The following TP63 variants were observed in gnomAD, a reference collection of about 807,000 sequenced individuals.
TP63 encodes the protein tumor protein 63.
A neutral mutation model predicts 82.8 loss-of-function variants in TP63; 17 were observed. That is an observed-to-expected ratio of 0.21 (90% CI 0.14 to 0.31). The LOEUF (loss-of-function observed/expected upper bound fraction) is 0.31. TP63 is among the 10% of genes least tolerant of loss of function. TP63 has a pLI of 1.00. For missense variants in TP63, 648 were observed against 895.3 expected, an observed-to-expected ratio of 0.72 and a Z score of 3.52; for synonymous variants, 330 against 321.7, an observed-to-expected ratio of 1.03 and a Z score of -0.28.
At chr3:189,732,341 C>G (rs1169039504) in intron 1 of TP63, among the ~76,000 whole-genome samples, 1 of 152,130 alleles carries the variant, frequency 6.6e-6, no homozygotes, top group Non-Finnish European at 1.5e-5. Flanking sequence ...TGTAGCCAGT[C>G]TAAGACAAAA....
At chr3:189,754,058 C>T (rs566947441) in intron 3 of TP63, among the ~76,000 whole-genome samples, 2 of 152,144 alleles carry the variant, frequency 1.3e-5, no homozygotes, top group South Asian at 4.1e-4. Context: ...AGAAAAATAG[C>T]CTATTTTATT....
At chr3:189,699,632 G>A (rs143074461) in intron 1 of TP63, among the ~76,000 whole-genome samples, 1 of 151,960 alleles carries the variant, frequency 6.6e-6, no homozygotes, top group African/African-American at 2.4e-5. Flanking sequence ...ATTAACATAG[G>A]TTAATATCTG....
chr3:189,875,673 T>A (rs1417804419), intron 10 of TP63, among the ~76,000 whole-genome samples: 1 of 141,122 alleles, frequency 7.1e-6, no homozygotes, highest in Non-Finnish European at 1.5e-5. Context: ...TGATAGTCTG[T>A]CTTATAGATA....
At chr3:189,629,575 A>G (rs35934495), upstream of TP63, among the ~76,000 whole-genome samples, 17,436 of 152,102 alleles carry the variant, frequency 0.11, 1,110 homozygotes, top group East Asian at 0.2. Flanking sequence ...GCTAGAAGGA[A>G]CACTAGGGCT....
chr3:189,600,387 C>A, the TP63 span, among the ~76,000 whole-genome samples: 1 of 152,142 alleles, frequency 6.6e-6, no homozygotes, highest in Non-Finnish European at 1.5e-5. Flanking sequence ...TGTACACATG[C>A]TATATGTCAG....
chr3:189,888,295 A>G (rs1307265238), intron 11 of TP63, among the ~76,000 whole-genome samples: 11 of 152,198 alleles, frequency 7.2e-5, no homozygotes. Context: ...ACCCCTTGAC[A>G]GGCCTACTTT....
In TP63 at chr3:189,711,560, G is replaced by T. The variant is rs576023401; in HGVS notation, c.63-26180G>T. Among the ~76,000 whole-genome samples, 6 of 152,180 alleles carry T rather than the reference G, an allele frequency of 3.9e-5. No individual in the cohort carries two copies. The South Asian group carries it at 1.2e-3, about 32-fold the overall frequency. On this transcript the variant is annotated intron_variant, in intron 1 of 13. Coordinates refer to ENST00000264731, the MANE Select transcript of TP63 (RefSeq NM_003722.5). Reference sequence around the variant, plus strand: ...GACATTTCAAGGAGGAAGTAACATTGGCTCCAGGCTTTAAAGAAGAGAGGG... The same window carrying T: ...GACATTTCAAGGAGGAAGTAACATTTGCTCCAGGCTTTAAAGAAGAGAGGG...
At chr3:189,876,606 A>G (rs1307413233) in intron 10 of TP63, among the ~76,000 whole-genome samples, 1 of 150,732 alleles carries the variant, frequency 6.6e-6, no homozygotes, top group Non-Finnish European at 1.5e-5. Flanking sequence ...TGGAAATCTA[A>G]CAGACTGCAA....
chr3:189,738,504 A>G, intron 2 of TP63, 138 bp from the exon 3 acceptor site: 1 of 1,289,086 alleles, frequency 7.8e-7, no homozygotes, highest in Non-Finnish European at 1.1e-6. Flanking sequence ...GCCAGGACTC[A>G]AACCTAGAGT....
intron 1 of TP63, among the ~76,000 whole-genome samples, chr3:189,653,241 C>T (rs1422718427): frequency 1.3e-5 from 2 of 152,182 alleles, no homozygotes; most frequent in African/African-American, 2.4e-5. Flanking sequence ...TATGCCAGGA[C>T]AGAGTGGGAG....
At chr3:189,703,427 AATAG>A (rs58784734) in intron 1 of TP63, among the ~76,000 whole-genome samples, 174 of 143,258 alleles carry the variant, frequency 1.2e-3, no homozygotes, top group South Asian at 8.6e-3. Context: ...CCCTGTCTAA[AATAG>A]ATAGATAGAT....
the TP63 span, among the ~76,000 whole-genome samples, chr3:189,610,880 G>A: frequency 4.6e-5 from 7 of 152,136 alleles, no homozygotes; most frequent in East Asian, 1.3e-3. Flanking sequence ...GCAAGGAGGA[G>A]CAATTAACAT....
chr3:189,841,596 G>C (rs1714130036), intron 4 of TP63, among the ~76,000 whole-genome samples: 1 of 152,222 alleles, frequency 6.6e-6, no homozygotes, highest in Non-Finnish European at 1.5e-5. Context: ...TACCAGGAAA[G>C]AGAACCAATA....
intron 1 of TP63, among the ~76,000 whole-genome samples, chr3:189,724,294 G>A (rs1719611249): frequency 6.6e-6 from 1 of 151,836 alleles, no homozygotes; most frequent in Non-Finnish European, 1.5e-5. Context: ...TTACTTTTTT[G>A]TGGTATGTAA....
intron 4 of TP63, among the ~76,000 whole-genome samples, chr3:189,825,769 G>A (rs1729282026): frequency 6.6e-6 from 1 of 152,114 alleles, no homozygotes; most frequent in Admixed American, 6.5e-5. Flanking sequence ...TAGTGCTAAT[G>A]CATCTTCTTA....
chr3:189,750,450 T>C (rs1478206775), intron 3 of TP63, among the ~76,000 whole-genome samples: 2 of 152,134 alleles, frequency 1.3e-5, no homozygotes, highest in South Asian at 2.1e-4. Flanking sequence ...TTATATATTT[T>C]CAAAGTACAT....
chr3:189,719,800 T>C (rs1719244793), intron 1 of TP63, among the ~76,000 whole-genome samples: 1 of 152,224 alleles, frequency 6.6e-6, no homozygotes, highest in Non-Finnish European at 1.5e-5. Flanking sequence ...TCTTTGGAAT[T>C]ATGCTCCTCT....
chr3:189,787,844 C>T (rs1286155869), intron 3 of TP63, among the ~76,000 whole-genome samples: 1 of 151,154 alleles, frequency 6.6e-6, no homozygotes, highest in Non-Finnish European at 1.5e-5. Context: ...TGTATAAAAT[C>T]CAGTTGTTGG....
At chr3:189,854,906 A>G (rs1716100022) in intron 4 of TP63, among the ~76,000 whole-genome samples, 2 of 152,242 alleles carry the variant, frequency 1.3e-5, no homozygotes, top group East Asian at 1.9e-4. Context: ...TGGCAAACCT[A>G]AAATTGCAGG....
Sources: gnomAD v4.1 joint callset for allele counts (sites outside exome capture counted in the v4.1 genomes callset) on GRCh38, gnomAD v4.1.1 for gene constraint, MANE v1.5 for transcripts, NCBI Gene and HGNC (gene_info 2026-07-23, HGNC 2026-07-21) for gene names.